OSBPL8: variants seen among roughly 807,000 people sequenced by gnomAD.
OSBPL8 encodes oxysterol binding protein like 8.
A neutral mutation model predicts 125.5 loss-of-function variants in OSBPL8; 59 were observed. The observed-to-expected ratio is 0.47, with a 90% confidence interval of 0.38 to 0.58. The LOEUF is 0.58. Ranked by LOEUF, OSBPL8 falls within the 20% of genes least tolerant of loss-of-function variation. OSBPL8 has a pLI of 0.00. For missense variants in OSBPL8, 758 were observed against 1,047.8 expected (o/e 0.72, Z 3.82); for synonymous variants, 330 against 338.9 (o/e 0.97, Z 0.29).
intron 1 of OSBPL8, among the ~76,000 whole-genome samples, chr12:76,512,591 TGTAGCGTAGTTTGAA>T (rs1335447930): frequency 6.6e-6 from 1 of 152,244 alleles, no homozygotes; most frequent in Non-Finnish European, 1.5e-5. Flanking sequence ...ACTGTAACCC[TGTAGCGTAGTTTGAA>T]GTCAGGTAAC....
At chr12:76,408,031 C>T (rs1954343885) in intron 5 of OSBPL8, among the ~76,000 whole-genome samples, 1 of 149,534 alleles carries the variant, frequency 6.7e-6, no homozygotes, top group African/African-American at 2.5e-5. Context: ...TTAAGTTGGG[C>T]ATGATGGCAA....
At chr12:76,540,884 T>C (rs1002497306) in intron 1 of OSBPL8, among the ~76,000 whole-genome samples, 12 of 152,208 alleles carry the variant, frequency 7.9e-5, no homozygotes, top group Non-Finnish European at 1.3e-4. Context: ...ATTAGAATTA[T>C]TCTAACAAGT....
intron 1 of OSBPL8, among the ~76,000 whole-genome samples, chr12:76,544,497 T>C (rs974716975): frequency 6.6e-6 from 1 of 152,214 alleles, no homozygotes; most frequent in South Asian, 2.1e-4. Context: ...TTGAACACAC[T>C]GACCATCTCT....
At chr12:76,501,258 A>C (rs1362359535) in intron 1 of OSBPL8, among the ~76,000 whole-genome samples, 1 of 152,202 alleles carries the variant, frequency 6.6e-6, no homozygotes, top group Non-Finnish European at 1.5e-5. Context: ...ATTCCTTCCC[A>C]ATACAATTTT....
chr12:76,392,478 A>ATTTCAGT (rs1953604195), intron 10 of OSBPL8, 103 bp downstream of exon 10: 1 of 1,066,244 alleles, frequency 9.4e-7, no homozygotes, highest in African/African-American at 1.6e-5. Flanking sequence ...AGATATGCAA[A>ATTTCAGT]TTTCAGTCCT....
intron 2 of OSBPL8, among the ~76,000 whole-genome samples, chr12:76,469,463 A>C (rs904033183): frequency 6.6e-6 from 1 of 152,106 alleles, no homozygotes; most frequent in East Asian, 1.9e-4. Flanking sequence ...AGCAACACTG[A>C]CTCTGTACCT....
At chr12:76,455,407 C>T (rs1436716287) in intron 3 of OSBPL8, among the ~76,000 whole-genome samples, 2 of 152,120 alleles carry the variant, frequency 1.3e-5, no homozygotes, top group Non-Finnish European at 2.9e-5. Flanking sequence ...ATTTAAAATA[C>T]TTTATAAGAA....
chr12:76,369,183 T>C, intron 21 of OSBPL8, 31 bp downstream of exon 21: 1 of 1,587,906 alleles, frequency 6.3e-7, no homozygotes, highest in Non-Finnish European at 8.5e-7. Context: ...CAGATTTATA[T>C]ACCTAGTGTA....
chr12:76,432,460 A>G (rs1870952324), intron 4 of OSBPL8, among the ~76,000 whole-genome samples: 1 of 152,134 alleles, frequency 6.6e-6, no homozygotes, highest in Non-Finnish European at 1.5e-5. Flanking sequence ...ACATGCCTGT[A>G]GTCTCAGCTA....
At chr12:76,442,714 T>C (rs1208025716) in intron 4 of OSBPL8, among the ~76,000 whole-genome samples, 2 of 152,174 alleles carry the variant, frequency 1.3e-5, no homozygotes, top group Admixed American at 1.3e-4. Context: ...CAGTCCCACA[T>C]ATGTTCATAA....
At chr12:76,444,569 G>A (rs1004996684) in intron 4 of OSBPL8, among the ~76,000 whole-genome samples, 14 of 152,152 alleles carry the variant, frequency 9.2e-5, no homozygotes, top group African/African-American at 2.9e-4. Flanking sequence ...CTGGGTCCAC[G>A]ATGATGAGAA....
At chr12:76,368,612 A>G (rs1952507010) in intron 21 of OSBPL8, among the ~76,000 whole-genome samples, 1 of 151,778 alleles carries the variant, frequency 6.6e-6, no homozygotes, top group Non-Finnish European at 1.5e-5. Context: ...CTCAGACTGG[A>G]TAATTTTTAT....
intron 4 of OSBPL8, among the ~76,000 whole-genome samples, chr12:76,438,082 G>C (rs996163325): frequency 6.7e-6 from 1 of 148,904 alleles, no homozygotes; most frequent in Non-Finnish European, 1.5e-5. Context: ...TGCCTCCTGG[G>C]TTCACGCTAT....
At chr12:76,383,836 C>T (rs1953167626) in intron 15 of OSBPL8, among the ~76,000 whole-genome samples, 1 of 151,894 alleles carries the variant, frequency 6.6e-6, no homozygotes, top group Non-Finnish European at 1.5e-5. Flanking sequence ...GTTATTTAGT[C>T]CAAAGTTAAA....
intron 12 of OSBPL8, among the ~76,000 whole-genome samples, chr12:76,387,681 G>T (rs956567020): frequency 1.3e-5 from 2 of 152,106 alleles, no homozygotes; most frequent in African/African-American, 4.8e-5. Flanking sequence ...GTCCAATGTG[G>T]TGATTTTTTA....
intron 21 of OSBPL8, among the ~76,000 whole-genome samples, chr12:76,363,839 G>T (rs1002370197): frequency 2.0e-5 from 3 of 152,120 alleles, no homozygotes; most frequent in Admixed American, 2.0e-4. Context: ...CAAAAAGTGG[G>T]CAAAGGATAT....
intron 1 of OSBPL8, among the ~76,000 whole-genome samples, chr12:76,554,793 C>T (rs776823890): frequency 1.3e-5 from 2 of 151,914 alleles, no homozygotes; most frequent in Non-Finnish European, 2.9e-5. Flanking sequence ...TTTTTCAGTC[C>T]TTTTTGAATA....
intron 3 of OSBPL8, among the ~76,000 whole-genome samples, chr12:76,456,203 CTG>C (rs1297620641): frequency 2.0e-5 from 3 of 152,134 alleles, no homozygotes; most frequent in Non-Finnish European, 4.4e-5. Context: ...AAATAATAAT[CTG>C]TATGTAAATC....
intron 2 of OSBPL8, among the ~76,000 whole-genome samples, chr12:76,469,504 C>G (rs1875863472): frequency 1.3e-5 from 2 of 152,204 alleles, no homozygotes; most frequent in Non-Finnish European, 1.5e-5. Context: ...AAAGACCCTT[C>G]ACTCACCCTT....
Sources: gnomAD v4.1 joint callset for allele counts (sites outside exome capture counted in the v4.1 genomes callset) on GRCh38, gnomAD v4.1.1 for gene constraint, MANE v1.5 for transcripts, NCBI Gene and HGNC (gene_info 2026-07-23, HGNC 2026-07-21) for gene names.